GRIN2B: variants seen among roughly 807,000 people sequenced by gnomAD.
GRIN2B encodes the protein glutamate receptor ionotropic, NMDA 2B.
A neutral mutation model predicts 114.5 loss-of-function variants in GRIN2B; 5 were observed. The ratio of observed to expected loss-of-function variants is 0.04; its 90% CI spans 0.02 to 0.09. The LOEUF (loss-of-function observed/expected upper bound fraction) is 0.09, where lower values mean the gene tolerates loss of function less well. GRIN2B is among the 10% of genes least tolerant of loss of function. The probability of loss-of-function intolerance (pLI) is 1.00; values close to 1 mark genes in which losing one functional copy is unlikely to be tolerated. For synonymous variants in GRIN2B, 787 were observed against 745.1 expected (o/e 1.06, Z -0.92); for missense variants, 1,108 against 1,943.5 (o/e 0.57, Z 8.08).
intron 2 of GRIN2B, among the ~76,000 whole-genome samples, chr12:13,887,887 T>A (rs551942102): frequency 2.3e-4 from 35 of 152,314 alleles, no homozygotes; most frequent in African/African-American, 8.2e-4. Flanking sequence ...GAAAACTGTG[T>A]CATGTCCTCA....
At chr12:13,681,655 C>T (rs1386035252) in intron 4 of GRIN2B, among the ~76,000 whole-genome samples, 2 of 152,036 alleles carry the variant, frequency 1.3e-5, no homozygotes, top group Non-Finnish European at 2.9e-5. Context: ...GATCCTTTGA[C>T]CTGTTGTTTA....
chr12:13,649,354 C>G (rs1449786393), intron 5 of GRIN2B, among the ~76,000 whole-genome samples: 1 of 152,036 alleles, frequency 6.6e-6, no homozygotes, highest in Non-Finnish European at 1.5e-5. Flanking sequence ...ATACCTTCTT[C>G]TTTCCTTTTA....
chr12:13,656,123 A>G (rs1369895871), intron 5 of GRIN2B, among the ~76,000 whole-genome samples: 32 of 152,222 alleles, frequency 2.1e-4, no homozygotes. Flanking sequence ...AGCACACTGT[A>G]GGAACGTATT....
intron 10 of GRIN2B, among the ~76,000 whole-genome samples, chr12:13,577,579 G>A (rs960950150): frequency 6.6e-6 from 1 of 152,180 alleles, no homozygotes; most frequent in Admixed American, 6.5e-5. Flanking sequence ...GCAAGTAAGG[G>A]AAGTACGGAT....
intron 5 of GRIN2B, among the ~76,000 whole-genome samples, chr12:13,643,147 G>T (rs968462186): frequency 6.6e-6 from 1 of 152,044 alleles, no homozygotes; most frequent in Non-Finnish European, 1.5e-5. Flanking sequence ...AATATATAAA[G>T]GCTATTTTCT....
At chr12:13,913,248 G>A (rs1032843620) in intron 2 of GRIN2B, among the ~76,000 whole-genome samples, 2 of 152,120 alleles carry the variant, frequency 1.3e-5, no homozygotes, top group African/African-American at 4.8e-5. Context: ...TTCAAGTATG[G>A]TTTTAGAGGC....
chr12:13,769,880 T>C (rs962540038), intron 3 of GRIN2B, among the ~76,000 whole-genome samples: 3 of 152,236 alleles, frequency 2.0e-5, no homozygotes, highest in African/African-American at 7.2e-5. Context: ...CCAGTGGGAC[T>C]CACACAAACC....
intron 4 of GRIN2B, among the ~76,000 whole-genome samples, chr12:13,708,454 T>C (rs1456788601): frequency 6.6e-6 from 1 of 152,124 alleles, no homozygotes; most frequent in Non-Finnish European, 1.5e-5. Flanking sequence ...GTAATTAAAA[T>C]AGAGGTGGAC....
At chr12:13,717,948 T>C (rs886991034) in intron 4 of GRIN2B, among the ~76,000 whole-genome samples, 3 of 152,018 alleles carry the variant, frequency 2.0e-5, no homozygotes, top group Non-Finnish European at 4.4e-5. Context: ...CTGAGGATGC[T>C]CCGTCAGGCA....
At position 13,927,982 on chromosome 12, in the gene GRIN2B, A is replaced by AAAAAAAAAAAAAAAAAAAAAAAAG. The variant is rs71067738; in HGVS notation, c.-19+51945_-19+51946insCTTTTTTTTTTTTTTTTTTTTTTT. ...ACCCTGTCTCAAAAAAAAAAAAAAA[A>AAAAAAAAAAAAAAAAAAAAAAAAG]GGGGGGGTATGCTGTGGAAAGGATG... is the stretch of plus-strand genomic sequence containing the variant. On this transcript the variant is annotated intron_variant, in intron 2 of 13. Transcript: ENST00000609686. Among the ~76,000 whole-genome samples, 88 of 129,748 alleles carry AAAAAAAAAAAAAAAAAAAAAAAAG rather than the reference A, an allele frequency of 6.8e-4. 7 individuals carry two copies. The highest frequency in any genetic ancestry group is 8.1e-4 in the African/African-American group (29 of 35,632). The allele number at this position is 129,748 out of a possible 152,430, so 85.1% of individuals were successfully genotyped here.
chr12:13,811,096 CA>C (rs1864720223), intron 3 of GRIN2B, among the ~76,000 whole-genome samples: 1 of 152,228 alleles, frequency 6.6e-6, no homozygotes, highest in Admixed American at 6.5e-5. Context: ...TGGCCAAAAA[CA>C]GAGGCCTAAC....
chr12:13,790,840 C>G (rs1054053888), intron 3 of GRIN2B, among the ~76,000 whole-genome samples: 4 of 152,150 alleles, frequency 2.6e-5, no homozygotes, highest in African/African-American at 9.7e-5. Context: ...CTAAGGAAGG[C>G]AGTTTGGTTT....
At chr12:13,586,421 T>C (rs1948926358) in intron 10 of GRIN2B, among the ~76,000 whole-genome samples, 1 of 152,210 alleles carries the variant, frequency 6.6e-6, no homozygotes, top group East Asian at 1.9e-4. Flanking sequence ...AGAAGCGATA[T>C]TTTCCTATGA....
chr12:13,722,474 A>T (rs1167843515), intron 4 of GRIN2B, among the ~76,000 whole-genome samples: 1 of 152,120 alleles, frequency 6.6e-6, no homozygotes, highest in Non-Finnish European at 1.5e-5. Context: ...TTCTTCATCC[A>T]CAGTAGCCAG....
chr12:13,638,251 A>G (rs1174249484), intron 5 of GRIN2B, among the ~76,000 whole-genome samples: 1 of 152,110 alleles, frequency 6.6e-6, no homozygotes, highest in African/African-American at 2.4e-5. Context: ...TTTTCACACT[A>G]TTGTTCACAA....
At chr12:13,632,291 C>T (rs1467993307) in intron 5 of GRIN2B, among the ~76,000 whole-genome samples, 2 of 152,208 alleles carry the variant, frequency 1.3e-5, no homozygotes, top group African/African-American at 4.8e-5. Flanking sequence ...GCAAAAGCCA[C>T]CATCTTTGCA....
chr12:13,681,258 C>T (rs927443669), intron 4 of GRIN2B, among the ~76,000 whole-genome samples: 6 of 152,134 alleles, frequency 3.9e-5, no homozygotes, highest in Non-Finnish European at 8.8e-5. Context: ...CATCTCATTT[C>T]ATCCAATCTT....
intron 3 of GRIN2B, among the ~76,000 whole-genome samples, chr12:13,840,465 T>C (rs1865359072): frequency 6.6e-6 from 1 of 152,180 alleles, no homozygotes; most frequent in African/African-American, 2.4e-5. Context: ...CCCTCTTACC[T>C]GCTGGACAAC....
chr12:13,906,802 T>C (rs1238091033), intron 2 of GRIN2B, among the ~76,000 whole-genome samples: 3 of 152,226 alleles, frequency 2.0e-5, no homozygotes, highest in Non-Finnish European at 4.4e-5. Flanking sequence ...GATTAATTTG[T>C]ATCATATTAA....
Sources: allele counts gnomAD v4.1 joint callset (sites outside exome capture counted in the v4.1 genomes callset), GRCh38; gene constraint gnomAD v4.1.1; transcripts MANE v1.5; gene names NCBI Gene and HGNC (gene_info 2026-07-23, HGNC 2026-07-21).